BBS9: variants seen among roughly 807,000 people sequenced by gnomAD.
BBS9 encodes protein PTHB1.
In BBS9, 89 loss-of-function variants were observed where a neutral mutation model predicts 117.7. The observed-to-expected ratio is 0.76, with a 90% confidence interval of 0.64 to 0.90. BBS9 has a LOEUF of 0.90. Among genes scored for constraint, BBS9 ranks in the 40% least tolerant of loss-of-function variants. The probability of loss-of-function intolerance (pLI) is 0.00; values close to 1 mark genes in which losing one functional copy is unlikely to be tolerated. For synonymous variants in BBS9, 379 were observed against 370.9 expected (o/e 1.02, Z -0.25); for missense variants, 982 against 1,042.2 (o/e 0.94, Z 0.80).
intron 20 of BBS9, among the ~76,000 whole-genome samples, chr7:33,518,564 T>A (rs1005049107): frequency 6.6e-6 from 1 of 152,190 alleles, no homozygotes; most frequent in Admixed American, 6.5e-5. Context: ...TCTTATATTA[T>A]CACTTGAGTG....
chr7:33,565,214 C>T (rs1012058085), intron 21 of BBS9, among the ~76,000 whole-genome samples: 3 of 152,148 alleles, frequency 2.0e-5, no homozygotes, highest in African/African-American at 7.2e-5. Context: ...TACAGTGTTT[C>T]ACATATTTCC....
intron 21 of BBS9, among the ~76,000 whole-genome samples, chr7:33,629,641 T>TA (rs1865796238): frequency 6.6e-6 from 1 of 152,240 alleles, no homozygotes; most frequent in African/African-American, 2.4e-5. Flanking sequence ...GCTCAAGTGA[T>TA]ACTATTTTGC....
intron 21 of BBS9, among the ~76,000 whole-genome samples, chr7:33,593,423 G>A (rs1189348444): frequency 6.6e-6 from 1 of 151,774 alleles, no homozygotes; most frequent in Non-Finnish European, 1.5e-5. Context: ...GTTTTGTTTT[G>A]GTTTTTTAGG....
At chr7:33,388,344 A>G (rs768101304) in intron 19 of BBS9, among the ~76,000 whole-genome samples, 200 bp downstream of exon 19, 2 of 152,230 alleles carry the variant, frequency 1.3e-5, no homozygotes, top group Non-Finnish European at 2.9e-5. Context: ...GACCTTGGGT[A>G]AATTACATGA....
At chr7:33,294,290 C>CATCTATCTATCTATCT (rs57892221) in intron 9 of BBS9, among the ~76,000 whole-genome samples, 4 of 141,208 alleles carry the variant, frequency 2.8e-5, no homozygotes, top group African/African-American at 5.3e-5. Context: ...ATCTATCTAT[C>CATCTATCTATCTATCT]ATCTATCTAT....
intron 15 of BBS9, among the ~76,000 whole-genome samples, chr7:33,357,501 G>C (rs1819822966): frequency 6.6e-6 from 1 of 151,652 alleles, no homozygotes; most frequent in Non-Finnish European, 1.5e-5. Flanking sequence ...TGATAGTCTT[G>C]GATTAGGGCT....
chr7:33,460,435 A>G (rs1839296655), intron 19 of BBS9, among the ~76,000 whole-genome samples: 1 of 152,066 alleles, frequency 6.6e-6, no homozygotes. Context: ...TTTAGGTACA[A>G]GGGAAAATAA....
At chr7:33,407,440 A>G (rs912358991) in intron 19 of BBS9, among the ~76,000 whole-genome samples, 5 of 152,204 alleles carry the variant, frequency 3.3e-5, no homozygotes, top group Non-Finnish European at 5.9e-5. Context: ...AACTCGTCAA[A>G]GTCATTCTCC....
At chr7:33,166,033 T>G (rs1795624959) in intron 4 of BBS9, among the ~76,000 whole-genome samples, 1 of 152,196 alleles carries the variant, frequency 6.6e-6, no homozygotes, top group African/African-American at 2.4e-5. Context: ...GTGGATGTCC[T>G]TTTTGTTGAT....
chr7:33,401,038 TA>T (rs1251358311), intron 19 of BBS9, among the ~76,000 whole-genome samples: 1 of 152,234 alleles, frequency 6.6e-6, no homozygotes, highest in African/African-American at 2.4e-5. Context: ...TTTTTGTTTT[TA>T]ACTTCCTTTT....
At chr7:33,204,426 T>C (rs544499890) in intron 5 of BBS9, among the ~76,000 whole-genome samples, 63 of 151,150 alleles carry the variant, frequency 4.2e-4, no homozygotes, top group African/African-American at 1.5e-3. Flanking sequence ...AAAAAAGTTA[T>C]TTTAGTGAAG....
chr7:33,319,806 G>A (rs1010334896), intron 9 of BBS9, among the ~76,000 whole-genome samples: 4 of 152,036 alleles, frequency 2.6e-5, no homozygotes, highest in Non-Finnish European at 5.9e-5. Context: ...CACAATCCAT[G>A]TATCTGACAA....
In BBS9 at chr7:33,446,090, C is replaced by T. The variant is rs62451191; in HGVS notation, c.2115+57946C>T. The stretch of plus-strand genomic sequence containing the variant: ...AAGTAATATATTAAGAACAAAAACT[C>T]CAAGCTTAAATTTATTTGATTTGAG... On this transcript the variant is annotated intron_variant, in intron 19 of 22. Transcript: ENST00000242067. Among the ~76,000 whole-genome samples the T allele has an allele frequency of 7.6e-3, 1,156 of 152,188 alleles. 9 individuals are homozygous for T. The highest frequency in any genetic ancestry group is 0.011 in the Non-Finnish European group (716 of 68,020).
intron 7 of BBS9, among the ~76,000 whole-genome samples, chr7:33,266,726 T>C (rs1372522570): frequency 6.6e-6 from 1 of 152,024 alleles, no homozygotes; most frequent in African/African-American, 2.4e-5. Context: ...GAAATATGTC[T>C]ATCTATATCT....
At chr7:33,235,810 C>T (rs1447194592) in intron 5 of BBS9, among the ~76,000 whole-genome samples, 2 of 152,074 alleles carry the variant, frequency 1.3e-5, no homozygotes, top group Non-Finnish European at 2.9e-5. Context: ...CTCTTAATCA[C>T]CTTTACCAGA....
chr7:33,558,722 G>A (rs549050575), intron 21 of BBS9, among the ~76,000 whole-genome samples: 92 of 152,188 alleles, frequency 6.0e-4, no homozygotes, highest in Non-Finnish European at 9.7e-4. Flanking sequence ...GCAGAAGCCC[G>A]CAGCATGTTG....
intron 21 of BBS9, among the ~76,000 whole-genome samples, chr7:33,599,077 A>G (rs917619711): frequency 6.6e-6 from 1 of 152,206 alleles, no homozygotes; most frequent in Non-Finnish European, 1.5e-5. Context: ...AATATTTACT[A>G]TCTGGCCAAC....
chr7:33,406,109 C>T (rs1199717726), intron 19 of BBS9, among the ~76,000 whole-genome samples: 1 of 152,144 alleles, frequency 6.6e-6, no homozygotes, highest in East Asian at 1.9e-4. Context: ...ACCCAGTAGT[C>T]ATTCAGGAGC....
At position 33,352,852 on chromosome 7, in the gene BBS9, T is replaced by G. The variant is rs375661214; in HGVS notation, c.1538-7T>G. 14 of 1,612,740 alleles carry G rather than the reference T, an allele frequency of 8.7e-6. No homozygotes were observed. Among genetic ancestry groups the G allele is most frequent in the Non-Finnish European group, 1.2e-5 (14 of 1,178,980 alleles). On this transcript the variant is annotated splice_polypyrimidine_tract_variant and splice_region_variant and intron_variant, in intron 14 of 22. Transcript: ENST00000242067. ...CTACCCATTTTTGCATTGCCTGTGA[T>G]GGACAGATCGAAATCCTGATGGTAA...
Sources: gnomAD v4.1 joint callset for allele counts (sites outside exome capture counted in the v4.1 genomes callset) on GRCh38, gnomAD v4.1.1 for gene constraint, MANE v1.5 for transcripts, NCBI Gene and HGNC (gene_info 2026-07-23, HGNC 2026-07-21) for gene names.